Variants in CNTN5 observed in about 807,000 individuals in gnomAD.
The protein encoded by CNTN5 is contactin-5.
In CNTN5, 77 loss-of-function variants were observed where a neutral mutation model predicts 129.1. The observed-to-expected ratio is 0.60, with a 90% CI of 0.50 to 0.72. The LOEUF is 0.72. Among genes scored for constraint, CNTN5 ranks in the 30% least tolerant of loss-of-function variants. The probability of loss-of-function intolerance (pLI) is 0.00; values close to 1 mark genes in which losing one functional copy is unlikely to be tolerated. For missense variants in CNTN5, 1,478 were observed against 1,328.8 expected, an observed-to-expected ratio of 1.11 and a Z score of -1.75; for synonymous variants, 509 against 465.6, an observed-to-expected ratio of 1.09 and a Z score of -1.20.
intron 3 of CNTN5, among the ~76,000 whole-genome samples, chr11:99,787,738 A>G (rs1254358059): frequency 1.3e-5 from 2 of 152,136 alleles, no homozygotes; most frequent in East Asian, 3.9e-4. Context: ...TTTGACCAGA[A>G]CCAGAAAAAA....
chr11:99,966,527 C>A (rs986866507), intron 8 of CNTN5, among the ~76,000 whole-genome samples: 5 of 152,166 alleles, frequency 3.3e-5, no homozygotes, highest in African/African-American at 1.2e-4. Context: ...CTTTCATCTC[C>A]CATTCCCAGA....
intron 1 of CNTN5, among the ~76,000 whole-genome samples, chr11:99,079,393 A>G (rs1234511582): frequency 6.6e-6 from 1 of 152,154 alleles, no homozygotes; most frequent in East Asian, 1.9e-4. Context: ...CTGCAGTTTT[A>G]GATGCTATGG....
Position 99,550,566 on chromosome 11 carries a change from C to A in CNTN5, c.-70-5579C>A, listed in dbSNP as rs149097702. 2.4e-3 allele frequency among the ~76,000 whole-genome samples: 372 copies of A among 152,154 alleles called. 3 individuals carry two copies. Among genetic ancestry groups the A allele is most frequent in the African/African-American group, 8.5e-3 (351 of 41,514 alleles). On this transcript the variant is annotated intron_variant, in intron 2 of 24. Coordinates refer to ENST00000524871, the MANE Select transcript of CNTN5 (RefSeq NM_014361.4). ...TGGTTGAGATGGAGAATAAGGTCCA[C>A]GGAAAAAGAGATGTTTCTTCATTTT... is the stretch of plus-strand genomic sequence containing the variant.
intron 7 of CNTN5, among the ~76,000 whole-genome samples, chr11:99,916,842 G>C (rs1330713673): frequency 2.0e-5 from 3 of 152,170 alleles, no homozygotes; most frequent in South Asian, 4.1e-4. Context: ...AGAGTGACCA[G>C]CATCAGTTAA....
chr11:99,915,458 A>G (rs1401396648), intron 6 of CNTN5, among the ~76,000 whole-genome samples: 1 of 152,124 alleles, frequency 6.6e-6, no homozygotes, highest in Non-Finnish European at 1.5e-5. Flanking sequence ...ACTAATCAAA[A>G]TGGATGAGAG....
intron 3 of CNTN5, among the ~76,000 whole-genome samples, chr11:99,668,439 G>A (rs1014512484): frequency 6.6e-6 from 1 of 152,048 alleles, no homozygotes; most frequent in Admixed American, 6.6e-5. Context: ...GCTGACCAGC[G>A]CCCATGGGAA....
intron 1 of CNTN5, among the ~76,000 whole-genome samples, chr11:99,258,057 GAAATTCTCGCGGAGTTTTGAAACCA>G (rs1862457854): frequency 6.6e-6 from 1 of 152,008 alleles, no homozygotes; most frequent in Admixed American, 6.6e-5. Context: ...ACCTAAAACT[GAAATTCTCGCGGAGTTTTGAAACCA>G]CATCCATGTG....
intron 9 of CNTN5, among the ~76,000 whole-genome samples, chr11:100,060,215 TAA>T (rs201170131): frequency 7.7e-6 from 1 of 130,174 alleles, no homozygotes. Context: ...CAAAAAATAT[TAA>T]AAAAAAAAAA....
At chr11:100,004,317 C>T (rs1037459186) in intron 9 of CNTN5, among the ~76,000 whole-genome samples, 3 of 151,960 alleles carry the variant, frequency 2.0e-5, no homozygotes, top group African/African-American at 7.3e-5. Flanking sequence ...TGTCTTGTGG[C>T]CTTTGCACTT....
At chr11:99,920,024 T>C (rs1178383771) in intron 7 of CNTN5, among the ~76,000 whole-genome samples, 2 of 152,076 alleles carry the variant, frequency 1.3e-5, no homozygotes, top group Non-Finnish European at 2.9e-5. Flanking sequence ...GTGTTTGGTT[T>C]CTTTTACTGG....
intron 15 of CNTN5, among the ~76,000 whole-genome samples, chr11:100,207,144 A>G (rs960353248): frequency 6.6e-6 from 1 of 152,120 alleles, no homozygotes; most frequent in African/African-American, 2.4e-5. Context: ...AGATAGATGG[A>G]CCTTTAAACA....
At chr11:99,209,931 G>T (rs1351918327) in intron 1 of CNTN5, among the ~76,000 whole-genome samples, 1 of 152,058 alleles carries the variant, frequency 6.6e-6, no homozygotes, top group Non-Finnish European at 1.5e-5. Context: ...AAATCATAGT[G>T]TGATTTTATG....
At chr11:99,421,296 A>G (rs1942878136) in intron 2 of CNTN5, among the ~76,000 whole-genome samples, 1 of 152,146 alleles carries the variant, frequency 6.6e-6, no homozygotes, top group Non-Finnish European at 1.5e-5. Context: ...AATATATAGA[A>G]GATAACTTCT....
At chr11:99,157,108 T>A (rs1229204973) in intron 1 of CNTN5, among the ~76,000 whole-genome samples, 1 of 152,062 alleles carries the variant, frequency 6.6e-6, no homozygotes, top group Non-Finnish European at 1.5e-5. Context: ...TAAGTAGCAA[T>A]TGCTATTTTT....
At chr11:100,044,881 T>G (rs933087561) in intron 9 of CNTN5, among the ~76,000 whole-genome samples, 20 of 152,256 alleles carry the variant, frequency 1.3e-4, no homozygotes, top group African/African-American at 4.3e-4. Flanking sequence ...AAAGTTATAC[T>G]GAGGAGTTAA....
At chr11:99,585,741 A>G (rs972179432) in intron 3 of CNTN5, among the ~76,000 whole-genome samples, 1 of 152,178 alleles carries the variant, frequency 6.6e-6, no homozygotes, top group African/African-American at 2.4e-5. Flanking sequence ...AGACACTGGA[A>G]TGAAGATGTG....
rs1222166266 is a variant in CNTN5, at chr11:99,315,351, G to T, written c.-209-9995G>T. On this transcript the variant is annotated intron_variant, in intron 1 of 24. Transcript: ENST00000524871. ...TGTGCCACTGTAGGCTTGTTGGTAA[G>T]GAAACCATAAACATGTTATAGTTTA... Among the ~76,000 whole-genome samples, 5 of 149,468 alleles carry T rather than the reference G, an allele frequency of 3.3e-5. 1 individual carries two copies. Among genetic ancestry groups the T allele is most frequent in the Non-Finnish European group, 6.0e-5 (4 of 66,706 alleles).
chr11:99,547,937 T>A (rs1028871410), intron 2 of CNTN5, among the ~76,000 whole-genome samples: 6 of 152,198 alleles, frequency 3.9e-5, no homozygotes, highest in Non-Finnish European at 7.4e-5. Flanking sequence ...TTAACCTTTC[T>A]GTGCCCCAGC....
intron 2 of CNTN5, among the ~76,000 whole-genome samples, chr11:99,523,757 C>A (rs1947379965): frequency 6.6e-6 from 1 of 151,956 alleles, no homozygotes; most frequent in Non-Finnish European, 1.5e-5. Flanking sequence ...TCCTCGGTTC[C>A]CACACTCCCC....
Sources: gnomAD v4.1 joint callset for allele counts (sites outside exome capture counted in the v4.1 genomes callset) on GRCh38, gnomAD v4.1.1 for gene constraint, MANE v1.5 for transcripts, NCBI Gene and HGNC (gene_info 2026-07-23, HGNC 2026-07-21) for gene names.